HIVEP2: variants seen among roughly 807,000 people sequenced by gnomAD.
HIVEP2 encodes the protein transcription factor HIVEP2.
HIVEP2 carries 14 observed loss-of-function variants against 180.7 expected under a neutral mutation model. That is an observed-to-expected ratio of 0.08 (90% confidence interval 0.05 to 0.12). The LOEUF (loss-of-function observed/expected upper bound fraction) is 0.12. HIVEP2 is among the 10% of genes least tolerant of loss of function. The probability of loss-of-function intolerance (pLI) is 1.00; values close to 1 mark genes in which losing one functional copy is unlikely to be tolerated. For missense variants in HIVEP2, 2,579 were observed against 3,008.5 expected, an observed-to-expected ratio of 0.86 and a Z score of 3.34; for synonymous variants, 1,184 against 1,136.4, an observed-to-expected ratio of 1.04 and a Z score of -0.84.
intron 1 of HIVEP2, among the ~76,000 whole-genome samples, chr6:142,900,469 C>A (rs912116071): frequency 1.3e-5 from 2 of 152,182 alleles, no homozygotes; most frequent in Non-Finnish European, 2.9e-5. Flanking sequence ...GTACTCCTTG[C>A]ACAGAGAAGA....
At chr6:142,758,921 T>C (rs1200779319) in intron 9 of HIVEP2, among the ~76,000 whole-genome samples, 1 of 152,152 alleles carries the variant, frequency 6.6e-6, no homozygotes, top group Non-Finnish European at 1.5e-5. Context: ...TTTATAAACA[T>C]GCCGAGTGTG....
At chr6:142,903,792 C>T (rs969997654) in intron 1 of HIVEP2, among the ~76,000 whole-genome samples, 3 of 152,050 alleles carry the variant, frequency 2.0e-5, no homozygotes, top group African/African-American at 7.2e-5. Flanking sequence ...TTAGAGTCTA[C>T]GATACTCATT....
intron 1 of HIVEP2, among the ~76,000 whole-genome samples, chr6:142,928,133 C>T (rs750129555): frequency 6.6e-5 from 10 of 152,216 alleles, no homozygotes; most frequent in Non-Finnish European, 1.3e-4. Flanking sequence ...AAATGTACCA[C>T]TCTAGCGCAA....
chr6:142,866,058 G>A (rs1408550603), intron 1 of HIVEP2, among the ~76,000 whole-genome samples: 1 of 152,072 alleles, frequency 6.6e-6, no homozygotes, highest in Non-Finnish European at 1.5e-5. Context: ...TTTGTAAATG[G>A]AAGAAAATAC....
rs768674108 is a variant in HIVEP2 at position 142,753,389 on chromosome 6, C to A, written c.7059G>T (p.Arg2353=). The change falls in exon 10 of 10, where the codon CGG becomes CGT. Residue 2353 remains arginine (R), a synonymous_variant. Transcript: ENST00000367603. ...AALLGPDQPA[R]VQEPHQNPLG... is the part of the protein sequence containing the mutation. ...GGGGGTTCTGGTGGGGCTCCTGCAC[C>A]CGCGCTGGCTGATCTGGCCCGAGCA... The A allele has an allele frequency of 1.2e-6, 2 of 1,613,846 alleles. No homozygotes were observed. The highest frequency in any genetic ancestry group is 1.7e-6 in the Non-Finnish European group (2 of 1,180,036).
At chr6:142,833,026 C>G (rs998486971) in intron 2 of HIVEP2, among the ~76,000 whole-genome samples, 1 of 152,164 alleles carries the variant, frequency 6.6e-6, no homozygotes, top group Non-Finnish European at 1.5e-5. Context: ...GTGGCCACAT[C>G]CACAACGCTC....
Position 142,872,641 on chromosome 6 carries a change from C to CAACCAAAGGA in HIVEP2, c.-640-35604_-640-35595dup, listed in dbSNP as rs941211179. ...TCCATCCTCACATGTCTTTATCTAA[C>CAACCAAAGGA]AACCAAAGGAAACCAAAGGAAAAGG... On this transcript the variant is annotated intron_variant, in intron 1 of 9. Transcript: ENST00000367603. Among the ~76,000 whole-genome samples, 4 of 152,226 alleles carry CAACCAAAGGA rather than the reference C, an allele frequency of 2.6e-5. No homozygotes were observed. In the East Asian group the frequency reaches 7.7e-4, roughly 29 times the overall value.
intron 2 of HIVEP2, among the ~76,000 whole-genome samples, chr6:142,816,814 T>TGGTTCTATATGAATTTTTATTTA (rs1776850318): frequency 6.6e-6 from 1 of 152,248 alleles, no homozygotes; most frequent in South Asian, 2.1e-4. Flanking sequence ...AGATAGATTC[T>TGGTTCTATATGAATTTTTATTTA]GGTTCTATAT....
intron 1 of HIVEP2, among the ~76,000 whole-genome samples, chr6:142,845,399 C>T (rs1414596319): frequency 6.6e-6 from 1 of 151,776 alleles, no homozygotes; most frequent in Non-Finnish European, 1.5e-5. Context: ...GTTCTCTCTC[C>T]CTCCCTCTCT....
intron 1 of HIVEP2, among the ~76,000 whole-genome samples, chr6:142,879,055 T>G (rs1282092675): frequency 2.0e-5 from 3 of 152,174 alleles, no homozygotes; most frequent in Non-Finnish European, 2.9e-5. Context: ...CATACGGCTT[T>G]TGTAAGAATT....
At chr6:142,852,740 A>T (rs1775717950) in intron 1 of HIVEP2, among the ~76,000 whole-genome samples, 1 of 152,224 alleles carries the variant, frequency 6.6e-6, no homozygotes, top group Admixed American at 6.5e-5. Flanking sequence ...TAGTTTAGGT[A>T]GACTTAACAC....
chr6:142,786,411 C>A (rs2114706062), intron 2 of HIVEP2, among the ~76,000 whole-genome samples: 1 of 152,232 alleles, frequency 6.6e-6, no homozygotes, highest in South Asian at 2.1e-4. Flanking sequence ...AAATTCCTTC[C>A]TAAATATGAG....
chr6:142,768,018 A>G (rs928321140), intron 6 of HIVEP2, among the ~76,000 whole-genome samples: 2 of 152,242 alleles, frequency 1.3e-5, no homozygotes, highest in East Asian at 1.9e-4. Flanking sequence ...TGATTTTTGT[A>G]AGCATACAAT....
At chr6:142,759,217 C>T (rs968209607) in intron 9 of HIVEP2, among the ~76,000 whole-genome samples, 7 of 152,006 alleles carry the variant, frequency 4.6e-5, no homozygotes, top group African/African-American at 1.2e-4. Context: ...ATGGGAGAAT[C>T]GCTTCAACCT....
In HIVEP2 at chr6:142,780,715, T is replaced by C. The variant is rs151106491; in HGVS notation, c.-433+2806A>G. On this transcript the variant is annotated intron_variant, in intron 3 of 9. Transcript: ENST00000367603. ...ATCTATTACTGAACATGGCATGACTTTCTCTTTAAAAACAAGCAGGATTTG... is the reference window on the plus strand; with the variant it reads ...ATCTATTACTGAACATGGCATGACTCTCTCTTTAAAAACAAGCAGGATTTG... Among the ~76,000 whole-genome samples the C allele has an allele frequency of 3.3e-5, 5 of 152,320 alleles. No homozygotes were observed. The East Asian group carries it at 7.7e-4, about 23-fold the overall frequency.
intron 3 of HIVEP2, among the ~76,000 whole-genome samples, chr6:142,776,972 T>C (rs566692222): frequency 2.2e-4 from 34 of 152,294 alleles, no homozygotes; most frequent in African/African-American, 7.9e-4. Context: ...ACTTGACAAC[T>C]AAGTAATCGT....
intron 6 of HIVEP2, among the ~76,000 whole-genome samples, chr6:142,767,214 G>T (rs560018097): frequency 3.9e-5 from 6 of 152,200 alleles, no homozygotes; most frequent in Non-Finnish European, 8.8e-5. Flanking sequence ...TGAGAGGGTT[G>T]ATTCAGTCAC....
intron 1 of HIVEP2, among the ~76,000 whole-genome samples, chr6:142,890,823 GA>G (rs1309465447): frequency 6.6e-6 from 1 of 152,070 alleles, no homozygotes; most frequent in Admixed American, 6.5e-5. Context: ...CCATAAATAT[GA>G]AAAACACCAG....
At chr6:142,904,385 T>C (rs1326942469) in intron 1 of HIVEP2, among the ~76,000 whole-genome samples, 1 of 152,212 alleles carries the variant, frequency 6.6e-6, no homozygotes, top group Non-Finnish European at 1.5e-5. Flanking sequence ...ATACTTTCCT[T>C]TAACAATGTA....
Sources: gnomAD v4.1 joint callset for allele counts (sites outside exome capture counted in the v4.1 genomes callset) on GRCh38, gnomAD v4.1.1 for gene constraint, MANE v1.5 for transcripts, NCBI Gene and HGNC (gene_info 2026-07-23, HGNC 2026-07-21) for gene names.